ZFYVE26: variants seen among roughly 807,000 people sequenced by gnomAD.
ZFYVE26 encodes zinc finger FYVE-type containing 26.
A neutral mutation model predicts 276.5 loss-of-function variants in ZFYVE26; 181 were observed. The observed-to-expected ratio is 0.65, with a 90% CI of 0.58 to 0.74. ZFYVE26 has a LOEUF of 0.74. Among genes scored for constraint, ZFYVE26 ranks in the 30% least tolerant of loss-of-function variants. ZFYVE26 has a pLI of 0.00. For missense variants in ZFYVE26, 2,821 were observed against 3,097.9 expected, an observed-to-expected ratio of 0.91 and a Z score of 2.12; for synonymous variants, 1,129 against 1,203.1, an observed-to-expected ratio of 0.94 and a Z score of 1.27.
chr14:67,777,797 T>C, intron 24 of ZFYVE26, 62 bp from the exon 25 acceptor site: 1 of 1,593,466 alleles, frequency 6.3e-7, no homozygotes. Flanking sequence ...ACCAGCTTTG[T>C]TTTGTTTGAG....
intron 12 of ZFYVE26, 49 bp from the exon 13 acceptor site, chr14:67,794,288 G>A: frequency 6.3e-7 from 1 of 1,580,240 alleles, no homozygotes; most frequent in South Asian, 1.1e-5. Flanking sequence ...GCTCCTTATA[G>A]AGTAGGAAGT....
chr14:67,749,875 A>C (rs541521128), intron 41 of ZFYVE26, among the ~76,000 whole-genome samples: 16 of 152,354 alleles, frequency 1.1e-4, no homozygotes, highest in Admixed American at 2.6e-4. Flanking sequence ...CAAGAGAAGA[A>C]GGGCATTTTG....
At chr14:67,746,430 T>A (rs1295912841), downstream of ZFYVE26, 1 of 107,974 alleles carries the variant, frequency 9.3e-6, no homozygotes, top group East Asian at 2.8e-4. Flanking sequence ...TTGAAGGCCA[T>A]CTGATCTTCC....
rs2038539611 is a variant in ZFYVE26 at position 67,748,322 on chromosome 14, C to A, written c.*114G>T. 5.6e-6 allele frequency: 7 copies of A among 1,253,336 alleles called. 1 individual carries two copies. The South Asian group carries it at 6.9e-5, about 12-fold the overall frequency. 77.6% of individuals were successfully genotyped at this position (1,253,336 alleles called of 1,614,324 possible). ...TAGGGTCCAATCCAACTCTTTCCAA[C>A]CTAGGGCAGAGCCAGAGAAGTCCCA... On this transcript the variant is annotated 3_prime_UTR_variant, in exon 42 of 42. Transcript: ENST00000347230.
intron 16 of ZFYVE26, among the ~76,000 whole-genome samples, chr14:67,786,921 G>C (rs1364453249): frequency 6.6e-6 from 1 of 152,196 alleles, no homozygotes; most frequent in East Asian, 1.9e-4. Flanking sequence ...ATTATGTTAA[G>C]TGAAATAAGC....
intron 29 of ZFYVE26, 65 bp downstream of exon 29, chr14:67,769,529 G>T: frequency 6.2e-7 from 1 of 1,608,160 alleles, no homozygotes. Flanking sequence ...ACTCCTAGGA[G>T]TGTAGGGACC....
intron 32 of ZFYVE26, among the ~76,000 whole-genome samples, chr14:67,764,577 G>C (rs1406571520): frequency 2.0e-5 from 3 of 152,134 alleles, no homozygotes; most frequent in Non-Finnish European, 4.4e-5. Flanking sequence ...GGGGGTATGA[G>C]TTAAAAACAT....
In ZFYVE26 at chr14:67,789,490, T is replaced by C; in HGVS notation, c.2864A>G (p.Glu955Gly). ...AACCTCTCTCAGGGGAGCAGTGGGC[T>C]CCACTAGAGCCGTGCTTATCCAAAA... is the stretch of plus-strand genomic sequence containing the variant. ...EDFWISTALV[E>G]PTAPLREVLE... The change falls in exon 16 of 42, where the codon GAG becomes GGG. Residue 955 changes from glutamate (E) to glycine (G), a missense_variant. By Grantham distance (98) the Glu-to-Gly change is moderately conservative (BLOSUM62 -2). Transcript: ENST00000347230. 2 of 1,614,122 alleles carry C rather than the reference T, an allele frequency of 1.2e-6. No individual in the cohort carries two copies. Among genetic ancestry groups the C allele is most frequent in the Non-Finnish European group, 1.7e-6 (2 of 1,180,030 alleles).
intron 41 of ZFYVE26, among the ~76,000 whole-genome samples, chr14:67,749,407 T>C (rs2038576224): frequency 6.6e-6 from 1 of 152,104 alleles, no homozygotes; most frequent in South Asian, 2.1e-4. Flanking sequence ...TGTCCCAGGA[T>C]CGCTATCTCA....
intron 14 of ZFYVE26, among the ~76,000 whole-genome samples, chr14:67,792,265 C>A (rs1040598): frequency 0.69 from 104,398 of 151,952 alleles, 36,321 homozygotes; most frequent in East Asian, 0.98. Context: ...CTACATGTTA[C>A]GTAGATAAAC....
chr14:67,767,885 T>A (rs761358305), intron 30 of ZFYVE26, 45 bp from the exon 31 acceptor site: 1 of 1,613,828 alleles, frequency 6.2e-7, no homozygotes, highest in Non-Finnish European at 8.5e-7. Flanking sequence ...TGGCTGGCAG[T>A]TCAGTCTAAC....
At chr14:67,756,791 A>C (rs1400502593) in intron 35 of ZFYVE26, among the ~76,000 whole-genome samples, 1 of 152,142 alleles carries the variant, frequency 6.6e-6, no homozygotes, top group Non-Finnish European at 1.5e-5. Flanking sequence ...TGATTTGCTG[A>C]TGATGCCTAA....
intron 29 of ZFYVE26, 133 bp from the exon 30 acceptor site, chr14:67,768,681 G>A: frequency 2.4e-6 from 2 of 836,748 alleles, no homozygotes; most frequent in Non-Finnish European, 4.0e-6. Context: ...ATTGTTGAAT[G>A]AAAGAGTCCC....
chr14:67,807,738 A>G lies in ZFYVE26; in HGVS notation c.546T>C (p.Thr182=). Residue 182 remains threonine, a synonymous_variant, in exon 5 of 42, where the codon ACT becomes ACC. Transcript: ENST00000347230. The part of the protein sequence containing the change: ...LELLLEEDDG[T]GLCHWPLQNA... ...TCTGCAGAGGCCAGTGACAGAGGCC[A>G]GTACCGTCATCCTCCTCAAGCAGGA... is the stretch of plus-strand genomic sequence containing the variant. The G allele has an allele frequency of 6.2e-7, 1 of 1,614,206 alleles. No homozygotes were observed.
intron 32 of ZFYVE26, 120 bp from the exon 33 acceptor site, chr14:67,762,939 G>A: frequency 7.0e-7 from 1 of 1,419,798 alleles, no homozygotes; most frequent in Non-Finnish European, 9.6e-7. Flanking sequence ...GTCTCGTTCT[G>A]TCACCCAGGC....
chr14:67,802,456 A>G (rs2040098037), intron 9 of ZFYVE26, among the ~76,000 whole-genome samples, 174 bp from the exon 10 acceptor site: 1 of 152,186 alleles, frequency 6.6e-6, no homozygotes, highest in Admixed American at 6.5e-5. Flanking sequence ...TCAAGTCAGT[A>G]TCAACTTTCA....
intron 13 of ZFYVE26, among the ~76,000 whole-genome samples, chr14:67,737,663 G>GTA (rs1285088377): frequency 6.6e-6 from 1 of 152,184 alleles, no homozygotes; most frequent in Admixed American, 6.5e-5. Flanking sequence ...AGATGTATAT[G>GTA]TATATATGAC....
intron 38 of ZFYVE26, 138 bp downstream of exon 38, chr14:67,753,933 C>T: frequency 3.3e-6 from 5 of 1,517,892 alleles, no homozygotes; most frequent in Non-Finnish European, 3.6e-6. Context: ...ACCTGATCAC[C>T]AGTCTTTGGT....
Position 67,813,968 on chromosome 14 carries a change from T to A in ZFYVE26, c.273+18A>T. 1 of 1,601,354 alleles carries A rather than the reference T, an allele frequency of 6.2e-7. No individual in the cohort carries two copies. Among genetic ancestry groups the A allele is most frequent in the Non-Finnish European group, 8.6e-7 (1 of 1,168,914 alleles). ...TCAGTCCTGGCCTCGGAGGAAAATT[T>A]AATATAAACCTACTTACCTTTTCCC... On this transcript the variant is annotated intron_variant, in intron 3 of 41. Transcript: ENST00000347230.
Sources: gnomAD v4.1 joint callset for allele counts (sites outside exome capture counted in the v4.1 genomes callset) on GRCh38, gnomAD v4.1.1 for gene constraint, MANE v1.5 for transcripts, NCBI Gene and HGNC (gene_info 2026-07-23, HGNC 2026-07-21) for gene names.